PAX3: variants seen among roughly 807,000 people sequenced by gnomAD.
The protein encoded by PAX3 is paired box protein Pax-3.
In PAX3, 14 loss-of-function variants were observed where a neutral mutation model predicts 51.6. The observed-to-expected ratio is 0.27, with a 90% CI of 0.18 to 0.42. The LOEUF (loss-of-function observed/expected upper bound fraction) is 0.42, where lower values mean the gene tolerates loss of function less well. Ranked by LOEUF, PAX3 falls within the 10% of genes least tolerant of loss-of-function variation. The probability of loss-of-function intolerance (pLI) is 1.00; values close to 1 mark genes in which losing one functional copy is unlikely to be tolerated. For missense variants in PAX3, 540 were observed against 642.8 expected (o/e 0.84, Z 1.73); for synonymous variants, 280 against 253.4 (o/e 1.11, Z -1.00).
intron 4 of PAX3, among the ~76,000 whole-genome samples, chr2:222,289,250 C>T (rs1341613912): frequency 2.0e-5 from 3 of 152,184 alleles, no homozygotes; most frequent in Non-Finnish European, 4.4e-5. Flanking sequence ...CATTTCTCAC[C>T]GTTTGTTTGT....
intron 7 of PAX3, among the ~76,000 whole-genome samples, chr2:222,212,979 G>A (rs1185634950): frequency 6.6e-6 from 1 of 152,064 alleles, no homozygotes; most frequent in Non-Finnish European, 1.5e-5. Context: ...ATTCAAATGG[G>A]ACTAAAAAAG....
At chr2:222,201,915 A>C in intron 8 of PAX3, 29 bp downstream of exon 8, 2 of 1,614,042 alleles carry the variant, frequency 1.2e-6, no homozygotes, top group East Asian at 2.2e-5. Context: ...TTCCAGGAGA[A>C]ATTGCCCCCT....
At position 222,280,422 on chromosome 2, in the gene PAX3, AAAGAAAGG is replaced by A. The variant is rs1436650179; in HGVS notation, c.586+13737_586+13744del. On this transcript the variant is annotated intron_variant, in intron 4 of 8. Coordinates refer to ENST00000392070, the MANE Select transcript of PAX3 (RefSeq NM_181458.4). ...AGAAAGAAAGAAAGAAAAAAGAAAGAAAGAAAGGAAGGAAGGAAGGAAGAAAGAAAGAG... is the reference window on the plus strand; with the variant it reads ...AGAAAGAAAGAAAGAAAAAAGAAAGAAAGGAAGGAAGGAAGAAAGAAAGAG... Among the ~76,000 whole-genome samples the A allele has an allele frequency of 7.1e-4, 108 of 151,678 alleles. 1 individual carries two copies. Among genetic ancestry groups the A allele is most frequent in the Non-Finnish European group, 1.3e-3 (85 of 67,894 alleles).
At chr2:222,212,476 G>A (rs1388808174) in intron 7 of PAX3, among the ~76,000 whole-genome samples, 1 of 152,092 alleles carries the variant, frequency 6.6e-6, no homozygotes, top group Admixed American at 6.6e-5. Context: ...ATCAGCAGAG[G>A]TGCAATCGCT....
intron 7 of PAX3, 45 bp from the exon 8 acceptor site, chr2:222,202,235 T>C (rs369685529): frequency 1.5e-6 from 2 of 1,356,918 alleles, no homozygotes; most frequent in African/African-American, 2.9e-5. Flanking sequence ...TGCAGAGAGA[T>C]CCAGATTGCA....
At chr2:222,232,394 A>G (rs1275406259) in intron 4 of PAX3, 111 bp from the exon 5 acceptor site, 18 of 860,022 alleles carry the variant, frequency 2.1e-5, no homozygotes, top group Non-Finnish European at 3.3e-5. Flanking sequence ...TGATCCCTAT[A>G]CCTAAAGTAA....
chr2:222,291,799 A>G (rs1695049148), intron 4 of PAX3, among the ~76,000 whole-genome samples: 1 of 152,166 alleles, frequency 6.6e-6, no homozygotes. Context: ...TGCCCGAACA[A>G]CAGAAAGGAG....
chr2:222,260,738 G>T (rs1356375894), intron 4 of PAX3, among the ~76,000 whole-genome samples: 3 of 151,470 alleles, frequency 2.0e-5, no homozygotes, highest in Admixed American at 6.6e-5. Context: ...TTACAGGTGT[G>T]AACCCCCATG....
Position 222,201,063 on chromosome 2 carries a change from G to T in PAX3, c.*345C>A. The T allele has an allele frequency of 5.2e-6, 6 of 1,158,050 alleles. No homozygotes were observed. Among genetic ancestry groups the T allele is most frequent in the South Asian group, 1.3e-5 (1 of 75,222 alleles). The allele number at this position is 1,158,050 out of a possible 1,614,324, so 71.7% of individuals were successfully genotyped here. ...CACACACACACACACACGCACGCAC[G>T]CACACAAGCAAATGGAATGTTCTAG... On this transcript the variant is annotated 3_prime_UTR_variant, in exon 9 of 9. Coordinates refer to ENST00000392070, the MANE Select transcript of PAX3 (RefSeq NM_181458.4).
chr2:222,255,080 G>T (rs1339740144), intron 4 of PAX3, among the ~76,000 whole-genome samples: 1 of 152,164 alleles, frequency 6.6e-6, no homozygotes, highest in Admixed American at 6.5e-5. Flanking sequence ...ACCGCACCTG[G>T]CAAGCTTTAC....
At chr2:222,296,594 C>T (rs1258180276) in intron 2 of PAX3, among the ~76,000 whole-genome samples, 1 of 152,050 alleles carries the variant, frequency 6.6e-6, no homozygotes, top group African/African-American at 2.4e-5. Flanking sequence ...TCCTTACATT[C>T]GTTTTGGAAA....
intron 4 of PAX3, among the ~76,000 whole-genome samples, chr2:222,240,203 G>C (rs937581106): frequency 6.6e-6 from 1 of 152,132 alleles, no homozygotes; most frequent in African/African-American, 2.4e-5. Flanking sequence ...GGGCCTGGCC[G>C]TGTGCTCCGT....
chr2:222,246,773 T>G (rs1693244977), intron 4 of PAX3, among the ~76,000 whole-genome samples: 1 of 152,252 alleles, frequency 6.6e-6, no homozygotes. Flanking sequence ...AGTTTTCAAG[T>G]GAATTTATCC....
In PAX3 at chr2:222,201,413, C is replaced by T. The variant is rs753282124; in HGVS notation, c.1450G>A (p.Ala484Thr). Residue 484 changes from alanine (A) to threonine (T), a missense_variant, in exon 9 of 9, where the codon GCG becomes ACG. Transcript: ENST00000392070. ...GCTCCAAGTGGACAGTTCACTTACG[C>T]GATATCTGGCTTGAGATAATGAAAG... ...SAFHYLKPDI[A>T] 40 of 1,613,738 alleles carry T rather than the reference C, an allele frequency of 2.5e-5. No individual in the cohort carries two copies. The highest frequency in any genetic ancestry group is 3.1e-5 in the Non-Finnish European group (37 of 1,179,988).
intron 8 of PAX3, chr2:222,201,676 T>G (rs1028504308): frequency 1.3e-5 from 18 of 1,418,720 alleles, no homozygotes; most frequent in Admixed American, 5.1e-5. Flanking sequence ...AGGGATTATT[T>G]CATTTTGGCC....
chr2:222,229,986 A>G (rs189464972), intron 5 of PAX3, among the ~76,000 whole-genome samples: 181 of 152,168 alleles, frequency 1.2e-3, no homozygotes, highest in African/African-American at 3.9e-3. Context: ...GAGTTCAAGA[A>G]GAGCCTGGGC....
chr2:222,287,607 A>G (rs1694876977), intron 4 of PAX3: 1 of 152,226 alleles, frequency 6.6e-6, no homozygotes, highest in Non-Finnish European at 1.5e-5. Context: ...ACAAAGAACT[A>G]TCTAATGCTA....
At chr2:222,284,952 G>C (rs1346246417) in intron 4 of PAX3, among the ~76,000 whole-genome samples, 1 of 152,182 alleles carries the variant, frequency 6.6e-6, no homozygotes, top group South Asian at 2.1e-4. Flanking sequence ...TGCAAGAACA[G>C]ACCACTTTCA....
intron 8 of PAX3, 171 bp from the exon 9 acceptor site, chr2:222,201,613 T>C: frequency 7.0e-6 from 9 of 1,284,806 alleles, no homozygotes; most frequent in Non-Finnish European, 9.8e-6. Context: ...CCTGGGATTA[T>C]CCCCCATATG....
Sources: allele counts gnomAD v4.1 joint callset (sites outside exome capture counted in the v4.1 genomes callset), GRCh38; gene constraint gnomAD v4.1.1; transcripts MANE v1.5; gene names NCBI Gene and HGNC (gene_info 2026-07-23, HGNC 2026-07-21).